TNRC6B: variants seen among roughly 807,000 people sequenced by gnomAD.
TNRC6B encodes trinucleotide repeat containing adaptor 6B.
A neutral mutation model predicts 203.6 loss-of-function variants in TNRC6B; 52 were observed. That is an observed-to-expected ratio of 0.26 (90% CI 0.20 to 0.32). The LOEUF (loss-of-function observed/expected upper bound fraction) is 0.32, where lower values mean the gene tolerates loss of function less well. Ranked by LOEUF, TNRC6B falls within the 10% of genes least tolerant of loss-of-function variation. The probability of loss-of-function intolerance (pLI) is 1.00; values close to 1 mark genes in which losing one functional copy is unlikely to be tolerated. For missense variants in TNRC6B, 1,923 were observed against 2,286.2 expected (o/e 0.84, Z 3.24); for synonymous variants, 838 against 845.7 (o/e 0.99, Z 0.16).
chr22:40,287,617 T>C (rs2070806122), intron 12 of TNRC6B, among the ~76,000 whole-genome samples: 1 of 152,242 alleles, frequency 6.6e-6, no homozygotes, highest in Non-Finnish European at 1.5e-5. Flanking sequence ...CTGACTTCCC[T>C]GGCACTCTAC....
At chr22:40,193,593 A>G (rs1400875016) in intron 1 of TNRC6B, among the ~76,000 whole-genome samples, 1 of 152,116 alleles carries the variant, frequency 6.6e-6, no homozygotes, top group African/African-American at 2.4e-5. Context: ...AAGTTAGTTG[A>G]CTTGTACCTG....
intron 1 of TNRC6B, among the ~76,000 whole-genome samples, chr22:40,089,232 C>CT (rs982347634): frequency 5.3e-5 from 8 of 151,378 alleles, no homozygotes; most frequent in East Asian, 1.9e-4. Context: ...TCTTCATAGA[C>CT]TTTTTTTTTC....
At chr22:40,065,024 T>C (rs1032990134) in intron 1 of TNRC6B, among the ~76,000 whole-genome samples, 4 of 151,798 alleles carry the variant, frequency 2.6e-5, no homozygotes, top group African/African-American at 9.7e-5. Flanking sequence ...TGTTTTTGTA[T>C]GTGTGTGTTT....
chr22:40,055,606 A>G (rs1285985202), intron 1 of TNRC6B, among the ~76,000 whole-genome samples: 2 of 152,348 alleles, frequency 1.3e-5, no homozygotes, highest in East Asian at 1.9e-4. Flanking sequence ...ATAGAGTACC[A>G]TTCAGAGAAG....
intron 1 of TNRC6B, among the ~76,000 whole-genome samples, chr22:40,204,597 G>A (rs929281201): frequency 3.3e-5 from 5 of 152,172 alleles, no homozygotes; most frequent in Admixed American, 6.5e-5. Flanking sequence ...TTCAATGTTT[G>A]CACCACTATT....
At position 40,311,227 on chromosome 22, in the gene TNRC6B, T is replaced by C. The variant is rs75874331; in HGVS notation, c.4435+234T>C. Among the ~76,000 whole-genome samples the C allele has an allele frequency of 8.1e-3, 1,232 of 152,336 alleles. 13 individuals are homozygous for C. The highest frequency in any genetic ancestry group is 0.027 in the African/African-American group (1,136 of 41,562). On this transcript the variant is annotated intron_variant, in intron 17 of 22. Transcript: ENST00000454349. The stretch of plus-strand genomic sequence containing the variant: ...TAGGTGGGACTTTGCATTCGTCCCA[T>C]GCATAGGATGCCTTGTAACATGGGT...
At chr22:40,131,574 C>T (rs1398979885) in intron 3 of TNRC6B, among the ~76,000 whole-genome samples, 2 of 152,146 alleles carry the variant, frequency 1.3e-5, no homozygotes, top group Non-Finnish European at 2.9e-5. Context: ...ATTTATTGAG[C>T]ACCTACTGTG....
chr22:40,194,161 A>C (rs2069307749), intron 1 of TNRC6B, among the ~76,000 whole-genome samples: 1 of 152,350 alleles, frequency 6.6e-6, no homozygotes, highest in African/African-American at 2.4e-5. Flanking sequence ...AAATGGTCTG[A>C]AGAAAAGGAA....
intron 1 of TNRC6B, among the ~76,000 whole-genome samples, chr22:40,197,639 G>A (rs1044155176): frequency 7.1e-6 from 1 of 140,560 alleles, no homozygotes; most frequent in African/African-American, 2.7e-5. Flanking sequence ...GTCTTGTTCT[G>A]TTGCCCAGGT....
In TNRC6B at chr22:40,335,258, CAG is replaced by C. The variant is rs1261244923; in HGVS notation, c.*12019_*12020del. 1 of 137,324 alleles carries C rather than the reference CAG, an allele frequency of 7.3e-6. No individual in the cohort carries two copies. The highest frequency in any genetic ancestry group is 2.7e-5 in the African/African-American group (1 of 36,378). The allele number at this position is 137,324 out of a possible 1,614,324, so 8.5% of individuals were successfully genotyped here. ...TCATATTACTGGTTTTACATGGACACAGAAACTAGGCACTTTAGAGGTGCACT... is the reference window on the plus strand; with the variant it reads ...TCATATTACTGGTTTTACATGGACACAAACTAGGCACTTTAGAGGTGCACT... On this transcript the variant is annotated 3_prime_UTR_variant, in exon 23 of 23. Transcript: ENST00000454349.
chr22:40,076,700 C>G (rs2068017110), intron 1 of TNRC6B, among the ~76,000 whole-genome samples: 1 of 152,138 alleles, frequency 6.6e-6, no homozygotes, highest in African/African-American at 2.4e-5. Flanking sequence ...CACTCAAAAG[C>G]AATTTTTATT....
intron 7 of TNRC6B, among the ~76,000 whole-genome samples, chr22:40,274,725 A>G (rs1244153377): frequency 2.0e-5 from 3 of 152,198 alleles, no homozygotes; most frequent in African/African-American, 7.2e-5. Context: ...CCAGCCTAGC[A>G]GCTAGATGAT....
intron 3 of TNRC6B, among the ~76,000 whole-genome samples, chr22:40,142,352 G>A (rs1446353316): frequency 2.0e-5 from 3 of 151,966 alleles, no homozygotes; most frequent in African/African-American, 2.4e-5. Flanking sequence ...ATGAGCCACC[G>A]TGCACAGCCA....
intron 4 of TNRC6B, among the ~76,000 whole-genome samples, chr22:40,263,748 G>C (rs1349384645): frequency 2.0e-5 from 3 of 152,142 alleles, no homozygotes; most frequent in Non-Finnish European, 4.4e-5. Flanking sequence ...AAGTTCCTTG[G>C]GGTTGTGAAC....
intron 1 of TNRC6B, among the ~76,000 whole-genome samples, chr22:40,116,581 C>A (rs368187766): frequency 9.0e-4 from 137 of 152,144 alleles, no homozygotes; most frequent in African/African-American, 3.2e-3. Context: ...ATGGCCCCAA[C>A]AAGCAAGAAG....
chr22:40,143,427 T>A (rs762965819), intron 3 of TNRC6B, among the ~76,000 whole-genome samples: 1 of 151,954 alleles, frequency 6.6e-6, no homozygotes, highest in Non-Finnish European at 1.5e-5. Context: ...AACAAGACCT[T>A]GACTCTAAAA....
intron 1 of TNRC6B, among the ~76,000 whole-genome samples, chr22:40,240,283 G>C (rs1216566832): frequency 6.6e-6 from 1 of 152,180 alleles, no homozygotes; most frequent in African/African-American, 2.4e-5. Flanking sequence ...ATTTATTCTA[G>C]ATTATGGTGT....
chr22:40,132,969 A>AAATATATATAT (rs1282694632), intron 3 of TNRC6B, among the ~76,000 whole-genome samples: 9 of 78,192 alleles, frequency 1.2e-4, no homozygotes, highest in African/African-American at 3.2e-4. Context: ...AAAAAAAAAA[A>AAATATATATAT]ATATATATAT....
intron 13 of TNRC6B, 50 bp from the exon 14 acceptor site, chr22:40,300,860 A>T: frequency 6.4e-7 from 1 of 1,564,158 alleles, no homozygotes; most frequent in Non-Finnish European, 8.7e-7. Flanking sequence ...GTCCTCAGTA[A>T]ATCAATCTCA....
Sources: allele counts gnomAD v4.1 joint callset (sites outside exome capture counted in the v4.1 genomes callset), GRCh38; gene constraint gnomAD v4.1.1; transcripts MANE v1.5; gene names NCBI Gene and HGNC (gene_info 2026-07-23, HGNC 2026-07-21).